Variants in TDRD15 observed in about 807,000 individuals in gnomAD.
TDRD15 encodes the protein tudor domain containing 15.
For missense variants in TDRD15, 1,416 were observed against 904.7 expected, an observed-to-expected ratio of 1.57 and a Z score of -7.25; for synonymous variants, 503 against 314.5, an observed-to-expected ratio of 1.60 and a Z score of -6.34.
chr2:21,135,831 G>T (rs1665797376), intron 3 of TDRD15, among the ~76,000 whole-genome samples: 1 of 151,998 alleles, frequency 6.6e-6, no homozygotes, highest in Admixed American at 6.6e-5. Flanking sequence ...TTCCCCAGGA[G>T]TCCATCTGTA....
At position 21,140,654 on chromosome 2, in the gene TDRD15, A is replaced by G. The variant is rs554096579; in HGVS notation, c.3187A>G (p.Ile1063Val). 2.8e-6 allele frequency: 2 copies of G among 715,272 alleles called. No individual in the cohort carries two copies. The highest frequency in any genetic ancestry group is 2.7e-5 in the East Asian group (1 of 37,202). 44.3% of individuals were successfully genotyped at this position (715,272 alleles called of 1,614,324 possible). Reference protein sequence around the residue: ...QLVGENMLRAISAQFPELLFT... With the variant: ...QLVGENMLRAVSAQFPELLFT... ...AGTAGGAGAAAATATGTTGAGGGCC[A>G]TTTCAGCTCAGTTTCCAGAGTTGTT... is the stretch of plus-strand genomic sequence containing the variant. The change falls in exon 4 of 4, where the codon ATT (isoleucine) becomes GTT (valine). Residue 1063 changes from isoleucine (I) to valine (V), a missense_variant. By Grantham distance (29) the Ile-to-Val change is conservative (BLOSUM62 3). Coordinates refer to ENST00000405799, the MANE Select transcript of TDRD15 (RefSeq NM_001306137.2).
At chr2:21,130,770 A>G (rs1665703213) in intron 2 of TDRD15, among the ~76,000 whole-genome samples, 1 of 152,234 alleles carries the variant, frequency 6.6e-6, no homozygotes, top group Admixed American at 6.5e-5. Flanking sequence ...GAATCAAGGC[A>G]ATGGCACCAA....
chr2:21,133,264 C>T (rs1417533324), intron 2 of TDRD15, among the ~76,000 whole-genome samples: 1 of 152,120 alleles, frequency 6.6e-6, no homozygotes, highest in East Asian at 1.9e-4. Flanking sequence ...ACATAGTGAC[C>T]TTGCCAGAAT....
In TDRD15 at chr2:21,134,745, A is replaced by C. The variant is rs1305506833; in HGVS notation, c.-89-17A>C. ...AGTTTGAAAAATCCTAATTTAATTA[A>C]ACTTTTCATTTTACAGATTTAGAGT... On this transcript the variant is annotated splice_polypyrimidine_tract_variant and intron_variant, in intron 2 of 3. Coordinates refer to ENST00000405799, the MANE Select transcript of TDRD15 (RefSeq NM_001306137.2). 1 of 151,828 alleles carries C rather than the reference A, an allele frequency of 6.6e-6. No homozygotes were observed. Among genetic ancestry groups the C allele is most frequent in the East Asian group, 1.9e-4 (1 of 5,190 alleles). The allele number at this position is 151,828 out of a possible 1,614,324, so 9.4% of individuals were successfully genotyped here. A position where few individuals can be genotyped will look rare whatever the true frequency, so the allele number is the denominator to read the frequency against.
intron 2 of TDRD15, among the ~76,000 whole-genome samples, chr2:21,132,836 A>G (rs947662482): frequency 6.6e-6 from 1 of 152,040 alleles, no homozygotes; most frequent in Admixed American, 6.6e-5. Context: ...TTTTGCTCTC[A>G]CTAAAGCAGA....
intron 2 of TDRD15, among the ~76,000 whole-genome samples, chr2:21,133,464 G>T (rs977653010): frequency 6.6e-6 from 1 of 152,066 alleles, no homozygotes; most frequent in Non-Finnish European, 1.5e-5. Context: ...GTGTAAAGCA[G>T]TGGAAATGAA....
In TDRD15 at chr2:21,142,484, G is replaced by T; in HGVS notation, c.5017G>T (p.Val1673Phe). ...TCTTTTCCTGAAATATTTAGATGCT[G>T]TTTGGGAAGTAGAAATTTTGGTAGA... Reference protein sequence around the residue: ...NILFLKYLDAVWEVEILVDDL... With the variant: ...NILFLKYLDAFWEVEILVDDL... Residue 1673 changes from valine (V) to phenylalanine (F), a missense_variant, in exon 4 of 4, where the codon GTT (valine) becomes TTT (phenylalanine). Transcript: ENST00000405799. 1 of 701,950 alleles carries T rather than the reference G, an allele frequency of 1.4e-6. No homozygotes were observed. 43.5% of individuals were successfully genotyped at this position (701,950 alleles called of 1,614,324 possible).
At chr2:21,133,325 T>A (rs1190065515) in intron 2 of TDRD15, among the ~76,000 whole-genome samples, 3 of 152,134 alleles carry the variant, frequency 2.0e-5, no homozygotes, top group Non-Finnish European at 4.4e-5. Context: ...AAGGAAGAAT[T>A]ATTAAGCAGA....
rs1318531403 is a variant in TDRD15 at position 21,138,833 on chromosome 2, T to C, written c.1366T>C (p.Trp456Arg). ...TGAGAGTTTTATGGGAAATATTGAA[T>C]GGTCAATAGACTCTCTAAATAAAAA... ...AVESFMGNIE[W>R]SIDSLNKKGI... Residue 456 changes from tryptophan to arginine, a missense_variant, in exon 4 of 4, where the codon TGG becomes CGG. Coordinates refer to ENST00000405799, the MANE Select transcript of TDRD15 (RefSeq NM_001306137.2). 5 of 714,282 alleles carry C rather than the reference T, an allele frequency of 7.0e-6. No individual in the cohort carries two copies. In the East Asian group the frequency reaches 1.1e-4, roughly 15 times the overall value. The allele number at this position is 714,282 out of a possible 1,614,324, so 44.2% of individuals were successfully genotyped here. A position where few individuals can be genotyped will look rare whatever the true frequency, so the allele number is the denominator to read the frequency against.
At position 21,142,179 on chromosome 2, in the gene TDRD15, C is replaced by T; in HGVS notation, c.4712C>T (p.Ser1571Leu). The T allele has an allele frequency of 1.5e-6, 1 of 673,532 alleles. No individual in the cohort carries two copies. Among genetic ancestry groups the T allele is most frequent in the Non-Finnish European group, 2.7e-6 (1 of 372,804 alleles). The allele number at this position is 673,532 out of a possible 1,614,324, so 41.7% of individuals were successfully genotyped here. A position where few individuals can be genotyped will look rare whatever the true frequency, so the allele number is the denominator to read the frequency against. Residue 1571 changes from serine (S) to leucine (L), a missense_variant, in exon 4 of 4, where the codon TCA (serine) becomes TTA (leucine). Physicochemically the swap from Ser to Leu is moderately radical, Grantham distance 145. Transcript: ENST00000405799. ...TKEEKKSPFL[S>L]MESIEKGLEC... ...GAAGAAAAAAAATCCCCTTTTTTAT[C>T]AATGGAAAGTATTGAAAAAGGTTTA... is the stretch of plus-strand genomic sequence containing the variant.
In TDRD15 at chr2:21,123,993, G is replaced by C. The variant is rs945279562; in HGVS notation, c.-254G>C. ...GAGTCTCCCGCCATCTTGGGCCCTA[G>C]CGGTATTTTTCCAGCTCTGGGAAGA... On this transcript the variant is annotated 5_prime_UTR_variant, in exon 1 of 4. Coordinates refer to ENST00000405799, the MANE Select transcript of TDRD15 (RefSeq NM_001306137.2). The C allele has an allele frequency of 6.6e-6, 1 of 152,404 alleles. No homozygotes were observed. Among genetic ancestry groups the C allele is most frequent in the Non-Finnish European group, 1.5e-5 (1 of 68,166 alleles). 9.4% of individuals were successfully genotyped at this position (152,404 alleles called of 1,614,324 possible).
intron 2 of TDRD15, among the ~76,000 whole-genome samples, chr2:21,133,396 C>T (rs1665754777): frequency 6.6e-6 from 1 of 152,042 alleles, no homozygotes; most frequent in African/African-American, 2.4e-5. Flanking sequence ...TTTGTATTTG[C>T]ATCTTTCATT....
chr2:21,136,420 A>G (rs1665807996), intron 3 of TDRD15, among the ~76,000 whole-genome samples: 1 of 151,826 alleles, frequency 6.6e-6, no homozygotes, highest in African/African-American at 2.4e-5. Flanking sequence ...TCCTAATATC[A>G]GTTGTTATGT....
chr2:21,124,781 G>A (rs1424303304), intron 1 of TDRD15, among the ~76,000 whole-genome samples: 2 of 142,430 alleles, frequency 1.4e-5, no homozygotes, highest in Non-Finnish European at 3.1e-5. Flanking sequence ...TAATGCCAGG[G>A]TATGTGTGTG....
intron 1 of TDRD15, among the ~76,000 whole-genome samples, chr2:21,126,368 T>C (rs963521575): frequency 7.2e-6 from 1 of 138,702 alleles, no homozygotes; most frequent in Non-Finnish European, 1.5e-5. Context: ...TGTTTCATTC[T>C]TTTTTTTTTT....
chr2:21,144,409 T>C (rs1666000060), downstream of TDRD15, among the ~76,000 whole-genome samples: 1 of 151,930 alleles, frequency 6.6e-6, no homozygotes, highest in African/African-American at 2.4e-5. Flanking sequence ...GCTATACTCT[T>C]TCAGTGAGTG....
chr2:21,142,336 C>G lies in TDRD15; in HGVS notation c.4869C>G (p.Thr1623=), dbSNP rs759332257. 8.3e-5 allele frequency: 57 copies of G among 687,322 alleles called. No homozygotes were observed. The highest frequency in any genetic ancestry group is 1.3e-4 in the Non-Finnish European group (50 of 375,118). 42.6% of individuals were successfully genotyped at this position (687,322 alleles called of 1,614,324 possible). A position where few individuals can be genotyped will look rare whatever the true frequency, so the allele number is the denominator to read the frequency against. The part of the protein sequence containing the change: ...GIYEIVPVCN[T]KLLSNEIRNI... The stretch of plus-strand genomic sequence containing the variant: ...ATGAAATAGTACCTGTATGTAATAC[C>G]AAGCTGCTTAGTAATGAAATAAGAA... Residue 1623 remains threonine, a synonymous_variant, in exon 4 of 4, where the codon ACC becomes ACG. Coordinates refer to ENST00000405799, the MANE Select transcript of TDRD15 (RefSeq NM_001306137.2).
At chr2:21,145,837 G>A (rs1666021835), downstream of TDRD15, among the ~76,000 whole-genome samples, 1 of 151,668 alleles carries the variant, frequency 6.6e-6, no homozygotes, top group Non-Finnish European at 1.5e-5. Flanking sequence ...AGTTCCTCTT[G>A]GTCTAAGACA....
Position 21,140,785 on chromosome 2 carries a change from A to T in TDRD15, c.3318A>T (p.Ser1106=), listed in dbSNP as rs924249979. The change falls in exon 4 of 4, where the codon TCA becomes TCT. Residue 1106 remains serine, a synonymous_variant. Transcript: ENST00000405799. ...SWFKDNFLGR[S]LKAIILSQES... ...TTAAAGACAATTTCTTGGGAAGATC[A>T]TTAAAGGCGATAATATTGTCCCAGG... 8.4e-6 allele frequency: 6 copies of T among 715,300 alleles called. No individual in the cohort carries two copies. The highest frequency in any genetic ancestry group is 1.3e-5 in the Non-Finnish European group (5 of 383,660). The allele number at this position is 715,300 out of a possible 1,614,324, so 44.3% of individuals were successfully genotyped here.
Sources: allele counts gnomAD v4.1 joint callset (sites outside exome capture counted in the v4.1 genomes callset), GRCh38; gene constraint gnomAD v4.1.1; transcripts MANE v1.5; gene names NCBI Gene and HGNC (gene_info 2026-07-23, HGNC 2026-07-21).